Variants in AKT3 observed in about 807,000 individuals in gnomAD.
AKT3 encodes the protein RAC-gamma serine/threonine-protein kinase.
AKT3 carries 15 observed loss-of-function variants against 65.3 expected under a neutral mutation model. The ratio of observed to expected loss-of-function variants is 0.23; its 90% CI spans 0.15 to 0.35. AKT3 has a LOEUF of 0.35. Among genes scored for constraint, AKT3 ranks in the 10% least tolerant of loss-of-function variants. The pLI is 1.00. For synonymous variants in AKT3, 206 were observed against 183.8 expected (o/e 1.12, Z -0.98); for missense variants, 243 against 576.5 (o/e 0.42, Z 5.92).
At chr1:243,703,653 G>C (rs906200578) in intron 2 of AKT3, among the ~76,000 whole-genome samples, 4 of 151,332 alleles carry the variant, frequency 2.6e-5, no homozygotes, top group African/African-American at 9.7e-5. Flanking sequence ...CCAGCTACTC[G>C]GGAGGCTGAG....
intron 12 of AKT3, among the ~76,000 whole-genome samples, chr1:243,515,782 A>AG (rs751915899): frequency 2.6e-5 from 4 of 152,158 alleles, no homozygotes; most frequent in African/African-American, 4.8e-5. Context: ...CCAGGTCAGG[A>AG]GATCAAGACC....
At chr1:243,609,169 C>T (rs183106606) in intron 8 of AKT3, among the ~76,000 whole-genome samples, 5 of 151,876 alleles carry the variant, frequency 3.3e-5, no homozygotes, top group South Asian at 2.1e-4. Context: ...AGATTTCCTC[C>T]CCAGTCATGA....
Position 243,596,262 on chromosome 1 carries a change from T to A in AKT3, c.696+17409A>T, listed in dbSNP as rs567570217. On this transcript the variant is annotated intron_variant, in intron 8 of 13. Coordinates refer to ENST00000673466, the MANE Select transcript of AKT3 (RefSeq NM_005465.7). ...GAATTGATAAATAAGACATCAAAAT[T>A]AAAAACGTCTGTTCCTCAAAAGACA... Among the ~76,000 whole-genome samples, 12 of 152,094 alleles carry A rather than the reference T, an allele frequency of 7.9e-5. No individual in the cohort carries two copies. The East Asian group carries it at 2.3e-3, about 29-fold the overall frequency.
chr1:243,575,081 T>C (rs1275582299), intron 8 of AKT3, among the ~76,000 whole-genome samples: 1 of 152,184 alleles, frequency 6.6e-6, no homozygotes, highest in African/African-American at 2.4e-5. Flanking sequence ...TACTACTTTA[T>C]GGAACTTGTT....
chr1:243,591,605 A>C (rs900181724), intron 8 of AKT3, among the ~76,000 whole-genome samples: 12 of 152,216 alleles, frequency 7.9e-5, no homozygotes, highest in Non-Finnish European at 1.8e-4. Context: ...AAAATGACAC[A>C]TAAGATATAA....
chr1:243,658,864 C>CAAAA (rs58117921), intron 4 of AKT3, among the ~76,000 whole-genome samples: 48 of 82,838 alleles, frequency 5.8e-4, no homozygotes, highest in South Asian at 8.1e-4. Flanking sequence ...CTTGTCTCTA[C>CAAAA]AAAAAAAAAA....
chr1:243,572,810 GC>G, intron 9 of AKT3, 115 bp downstream of exon 9: 1 of 1,140,018 alleles, frequency 8.8e-7, no homozygotes, highest in Non-Finnish European at 1.2e-6. Context: ...TAAACATAGT[GC>G]TTTTTTCCCA....
At chr1:243,589,512 AT>A (rs1676074961) in intron 8 of AKT3, among the ~76,000 whole-genome samples, 1 of 152,154 alleles carries the variant, frequency 6.6e-6, no homozygotes, top group Admixed American at 6.5e-5. Flanking sequence ...TAGGATGGCT[AT>A]TATAAAAAAG....
At chr1:243,844,751 G>A (rs1360254671) in intron 1 of AKT3, among the ~76,000 whole-genome samples, 1 of 152,100 alleles carries the variant, frequency 6.6e-6, no homozygotes, top group Non-Finnish European at 1.5e-5. Flanking sequence ...CTTTTCCTGG[G>A]ACAAACATCG....
Position 243,702,653 on chromosome 1 carries a change from T to C in AKT3, c.47-6937A>G, listed in dbSNP as rs117819788. Among the ~76,000 whole-genome samples, 16 of 152,324 alleles carry C rather than the reference T, an allele frequency of 1.1e-4. No homozygotes were observed. The East Asian group carries it at 2.7e-3, about 26-fold the overall frequency. ...AATCAGTACTGCACTTATTCAGAAG[T>C]ATTTACATAAATGAGGCAACGATGA... On this transcript the variant is annotated intron_variant, in intron 2 of 13. Transcript: ENST00000673466.
intron 12 of AKT3, among the ~76,000 whole-genome samples, chr1:243,527,440 A>C (rs1047398395): frequency 5.9e-5 from 9 of 152,200 alleles, no homozygotes; most frequent in African/African-American, 1.2e-4. Flanking sequence ...AATACCTCTT[A>C]AATCTTTTCT....
chr1:243,653,288 T>C (rs1317236892), intron 4 of AKT3, among the ~76,000 whole-genome samples: 3 of 152,130 alleles, frequency 2.0e-5, no homozygotes, highest in African/African-American at 7.2e-5. Flanking sequence ...CTCCCAAGAC[T>C]AAACCAAGGA....
chr1:243,764,448 A>T (rs1047780687), intron 2 of AKT3, among the ~76,000 whole-genome samples: 2 of 152,104 alleles, frequency 1.3e-5, no homozygotes, highest in African/African-American at 4.8e-5. Flanking sequence ...CTGAGAGTAC[A>T]ATTCCCTATA....
chr1:243,538,409 C>G (rs766160364), intron 12 of AKT3, among the ~76,000 whole-genome samples: 1 of 150,116 alleles, frequency 6.7e-6, no homozygotes, highest in Non-Finnish European at 1.5e-5. Context: ...AAAAAACAAA[C>G]AGCAAGATTG....
chr1:243,641,192 C>A (rs1680359912), intron 5 of AKT3, among the ~76,000 whole-genome samples: 1 of 150,350 alleles, frequency 6.7e-6, no homozygotes, highest in Admixed American at 6.6e-5. Context: ...TTGCAGATGG[C>A]CTATTGTGGA....
In AKT3 at chr1:243,677,829, G is replaced by A. The variant is rs188297546; in HGVS notation, c.173-12946C>T. Among the ~76,000 whole-genome samples the A allele has an allele frequency of 2.4e-4, 36 of 152,292 alleles. 1 individual carries two copies. Among genetic ancestry groups the A allele is most frequent in the Admixed American group, 1.6e-3 (25 of 15,300 alleles). On this transcript the variant is annotated intron_variant, in intron 3 of 13. Transcript: ENST00000673466. ...AGGGTAGGTGCGGTGGCTCATGCCT[G>A]TAATCCCAGCACTTTGGGAGACTGA...
intron 4 of AKT3, among the ~76,000 whole-genome samples, chr1:243,647,819 G>A (rs1311764396): frequency 6.6e-6 from 1 of 152,146 alleles, no homozygotes; most frequent in Non-Finnish European, 1.5e-5. Context: ...TACATGCTTT[G>A]TTTCACAAGT....
Position 243,528,140 on chromosome 1 carries a change from T to C in AKT3, c.1252-15714A>G, listed in dbSNP as rs139955500. ...CTATGCTTCAGAGATCTTACATTTT[T>C]TTCTGTATTTACTCACTTTACATCT... On this transcript the variant is annotated intron_variant, in intron 12 of 13. Transcript: ENST00000673466. 2.2e-4 allele frequency among the ~76,000 whole-genome samples: 33 copies of C among 152,304 alleles called. No homozygotes were observed. In the East Asian group the frequency reaches 6.4e-3, roughly 29 times the overall value.
intron 10 of AKT3, among the ~76,000 whole-genome samples, chr1:243,554,439 T>G (rs1274889439): frequency 6.6e-6 from 1 of 152,172 alleles, no homozygotes; most frequent in Non-Finnish European, 1.5e-5. Flanking sequence ...GTTTTCATCA[T>G]CAGCGCAAAG....
Sources: gnomAD v4.1 joint callset for allele counts (sites outside exome capture counted in the v4.1 genomes callset) on GRCh38, gnomAD v4.1.1 for gene constraint, MANE v1.5 for transcripts, NCBI Gene and HGNC (gene_info 2026-07-23, HGNC 2026-07-21) for gene names.